Variants in OCA2 observed in about 807,000 individuals in gnomAD.
OCA2 encodes P protein.
OCA2 carries 77 observed loss-of-function variants against 100.2 expected under a neutral mutation model. The observed-to-expected ratio is 0.77, with a 90% confidence interval of 0.64 to 0.93. The LOEUF (loss-of-function observed/expected upper bound fraction) is 0.93, where lower values mean the gene tolerates loss of function less well. Among genes scored for constraint, OCA2 ranks in the 40% least tolerant of loss-of-function variants. The pLI, the probability that OCA2 is intolerant of heterozygous loss-of-function variation, is 0.00. For missense variants in OCA2, 1,062 were observed against 1,089.1 expected, an observed-to-expected ratio of 0.98 and a Z score of 0.35; for synonymous variants, 432 against 439.2, an observed-to-expected ratio of 0.98 and a Z score of 0.21.
At chr15:28,069,002 G>A (rs1022901199) in intron 2 of OCA2, among the ~76,000 whole-genome samples, 2 of 152,118 alleles carry the variant, frequency 1.3e-5, no homozygotes, top group East Asian at 1.9e-4. Flanking sequence ...ATGGGCAAAA[G>A]CTCAAACCAT....
rs114096252 is a variant in OCA2 at position 28,086,749 on chromosome 15, G to A, written c.-21-4854C>T. 5.6e-3 allele frequency among the ~76,000 whole-genome samples: 853 copies of A among 152,200 alleles called. 5 individuals carry two copies. The highest frequency in any genetic ancestry group is 0.02 in the African/African-American group (811 of 41,516). Reference sequence around the variant, plus strand: ...AACAAATGAAACACAGAAAGTCTCAGCAAATAAGACTCAAATGAAACTGAA... The same window carrying A: ...AACAAATGAAACACAGAAAGTCTCAACAAATAAGACTCAAATGAAACTGAA... On this transcript the variant is annotated intron_variant, in intron 1 of 23. Coordinates refer to ENST00000354638, the MANE Select transcript of OCA2 (RefSeq NM_000275.3).
At chr15:27,904,396 C>T (rs990040297) in intron 19 of OCA2, among the ~76,000 whole-genome samples, 5 of 152,246 alleles carry the variant, frequency 3.3e-5, no homozygotes, top group South Asian at 2.1e-4. Flanking sequence ...CTTTGGAGGA[C>T]GGAAGAACTG....
chr15:27,897,189 C>CAAAAAA, intron 19 of OCA2, among the ~76,000 whole-genome samples: 1 of 131,344 alleles, frequency 7.6e-6, no homozygotes, highest in African/African-American at 2.7e-5. Context: ...GACTCCGTCT[C>CAAAAAA]AAAAAAAAAA....
At chr15:28,083,114 C>G (rs2044704860) in intron 1 of OCA2, among the ~76,000 whole-genome samples, 1 of 152,190 alleles carries the variant, frequency 6.6e-6, no homozygotes, top group Non-Finnish European at 1.5e-5. Flanking sequence ...TAGTGTATCA[C>G]CACTCCTAAT....
chr15:28,035,708 A>G (rs1012302080), intron 2 of OCA2, among the ~76,000 whole-genome samples: 2 of 152,190 alleles, frequency 1.3e-5, no homozygotes, highest in Admixed American at 6.6e-5. Context: ...TAGTTTTACT[A>G]ATTTCCACAT....
chr15:27,947,450 C>T (rs542710150), intron 18 of OCA2, among the ~76,000 whole-genome samples: 13 of 152,284 alleles, frequency 8.5e-5, no homozygotes, highest in Admixed American at 3.9e-4. Flanking sequence ...GCCATTGTGC[C>T]ACCTCTTGCA....
intron 23 of OCA2, among the ~76,000 whole-genome samples, chr15:27,830,010 T>TGTAATA: frequency 6.6e-6 from 1 of 152,364 alleles, no homozygotes; most frequent in African/African-American, 2.4e-5. Flanking sequence ...TAAGGTTTAT[T>TGTAATA]ACAATCCCAA....
chr15:27,996,614 C>T (rs1247052891), intron 9 of OCA2, among the ~76,000 whole-genome samples: 1 of 150,804 alleles, frequency 6.6e-6, no homozygotes. Flanking sequence ...AGAGCACTCA[C>T]ATAAATAAAA....
intron 19 of OCA2, among the ~76,000 whole-genome samples, chr15:27,918,370 C>A (rs1056445680): frequency 1.3e-5 from 2 of 151,998 alleles, no homozygotes; most frequent in Non-Finnish European, 2.9e-5. Flanking sequence ...GTGTCCAGCA[C>A]CTCTTGAGTT....
intron 23 of OCA2, among the ~76,000 whole-genome samples, chr15:27,829,044 C>A (rs1295837901): frequency 6.6e-6 from 1 of 152,278 alleles, no homozygotes; most frequent in South Asian, 2.1e-4. Flanking sequence ...GAAACAGCAG[C>A]TCACACTTGG....
rs995977250 is a variant in OCA2 at position 27,940,374 on chromosome 15, C to T, written c.1951+11410G>A. 4.6e-5 allele frequency among the ~76,000 whole-genome samples: 7 copies of T among 152,254 alleles called. No homozygotes were observed. In the South Asian group the frequency reaches 1.4e-3, roughly 31 times the overall value. ...TAGTTAGGTGAAGCCACAAGACCAACCCGGCCATTGGGCCATGAGCAAATG... is the reference window on the plus strand; with the variant it reads ...TAGTTAGGTGAAGCCACAAGACCAATCCGGCCATTGGGCCATGAGCAAATG... On this transcript the variant is annotated intron_variant, in intron 18 of 23. Coordinates refer to ENST00000354638, the MANE Select transcript of OCA2 (RefSeq NM_000275.3).
intron 23 of OCA2, among the ~76,000 whole-genome samples, chr15:27,762,701 T>C (rs764788074): frequency 1.7e-4 from 26 of 152,280 alleles, no homozygotes; most frequent in Non-Finnish European, 4.4e-5. Flanking sequence ...CCTCAGGGTG[T>C]CAGCCAGGTA....
intron 2 of OCA2, among the ~76,000 whole-genome samples, chr15:28,038,937 C>T (rs2141441635): frequency 6.6e-6 from 1 of 152,264 alleles, no homozygotes; most frequent in South Asian, 2.1e-4. Flanking sequence ...AAGAGATGCA[C>T]TGTAGATCAA....
intron 2 of OCA2, among the ~76,000 whole-genome samples, chr15:28,064,988 T>C (rs1398405292): frequency 6.6e-6 from 1 of 152,146 alleles, no homozygotes; most frequent in Non-Finnish European, 1.5e-5. Flanking sequence ...TTCCAAGGAC[T>C]GTATCCCTTT....
intron 19 of OCA2, among the ~76,000 whole-genome samples, chr15:27,907,552 T>C (rs2038224917): frequency 1.3e-5 from 2 of 152,150 alleles, no homozygotes; most frequent in African/African-American, 4.8e-5. Context: ...AGTATATTAA[T>C]TAACCAACTC....
At chr15:28,009,856 A>C (rs1166991140) in intron 9 of OCA2, among the ~76,000 whole-genome samples, 1 of 152,208 alleles carries the variant, frequency 6.6e-6, no homozygotes, top group East Asian at 1.9e-4. Flanking sequence ...ACACACATCT[A>C]AATAATCTAT....
chr15:27,755,636 G>A (rs745957691), intron 23 of OCA2, among the ~76,000 whole-genome samples, 164 bp from the exon 24 acceptor site: 9 of 152,170 alleles, frequency 5.9e-5, no homozygotes, highest in Non-Finnish European at 1.0e-4. Flanking sequence ...ACTAAATTAT[G>A]TGAATGCATG....
intron 11 of OCA2, among the ~76,000 whole-genome samples, chr15:27,987,834 C>T (rs957234208): frequency 6.6e-6 from 1 of 152,138 alleles, no homozygotes; most frequent in Admixed American, 6.5e-5. Flanking sequence ...TATGAAAATG[C>T]AATATAATTA....
At chr15:27,926,614 T>G (rs964489051) in intron 18 of OCA2, among the ~76,000 whole-genome samples, 10 of 152,072 alleles carry the variant, frequency 6.6e-5, no homozygotes, top group African/African-American at 2.4e-4. Context: ...ACCATAGTTT[T>G]TTGTTGTTGT....
Sources: gnomAD v4.1 joint callset for allele counts (sites outside exome capture counted in the v4.1 genomes callset) on GRCh38, gnomAD v4.1.1 for gene constraint, MANE v1.5 for transcripts, NCBI Gene and HGNC (gene_info 2026-07-23, HGNC 2026-07-21) for gene names.